Variants in VTI1A observed in about 807,000 individuals in gnomAD.
VTI1A encodes vesicle transport through interaction with t-SNAREs homolog 1A.
Under a neutral mutation model 34.9 loss-of-function variants are expected in VTI1A, and 22 were observed. The ratio of observed to expected loss-of-function variants is 0.63; its 90% CI spans 0.45 to 0.90. VTI1A has a LOEUF of 0.90. VTI1A is among the 40% of genes least tolerant of loss of function. The probability of loss-of-function intolerance (pLI) is 0.00; values close to 1 mark genes in which losing one functional copy is unlikely to be tolerated. For missense variants in VTI1A, 268 were observed against 275.6 expected (o/e 0.97, Z 0.20); for synonymous variants, 87 against 97.3 (o/e 0.89, Z 0.62).
intron 5 of VTI1A, among the ~76,000 whole-genome samples, chr10:112,572,971 T>C (rs1364305433): frequency 2.0e-5 from 3 of 152,086 alleles, no homozygotes; most frequent in Non-Finnish European, 2.9e-5. Flanking sequence ...AAATCAGCTT[T>C]GTCTGGAAAG....
intron 7 of VTI1A, among the ~76,000 whole-genome samples, chr10:112,775,631 G>A (rs908990546): frequency 2.0e-5 from 3 of 152,070 alleles, no homozygotes; most frequent in Non-Finnish European, 4.4e-5. Context: ...CATTTTTATC[G>A]TGTTGACTGT....
At chr10:112,664,847 G>GAAT (rs1404936332) in intron 5 of VTI1A, among the ~76,000 whole-genome samples, 1 of 152,152 alleles carries the variant, frequency 6.6e-6, no homozygotes, top group Non-Finnish European at 1.5e-5. Context: ...TTCCTTCCAG[G>GAAT]AATTCGTTTA....
the VTI1A span, among the ~76,000 whole-genome samples, chr10:112,854,829 G>T: frequency 6.6e-6 from 1 of 152,174 alleles, no homozygotes; most frequent in Non-Finnish European, 1.5e-5. Flanking sequence ...TGCAGAGAAC[G>T]CCTCTAGAAT....
chr10:112,824,398 A>AGGCC, the VTI1A span: 1 of 152,412 alleles, frequency 6.6e-6, no homozygotes, highest in Non-Finnish European at 1.5e-5. Flanking sequence ...CAACATGGTG[A>AGGCC]AACCCTGTCT....
intron 7 of VTI1A, among the ~76,000 whole-genome samples, chr10:112,716,894 G>A (rs189356606): frequency 2.5e-3 from 379 of 152,330 alleles, no homozygotes; most frequent in South Asian, 6.0e-3. Flanking sequence ...AAGACAAGGC[G>A]GGAGCCAGGG....
intron 7 of VTI1A, among the ~76,000 whole-genome samples, chr10:112,764,788 G>A (rs891923689): frequency 3.3e-5 from 5 of 152,114 alleles, no homozygotes; most frequent in African/African-American, 7.2e-5. Context: ...TGTTGTCAGC[G>A]CACCACAATT....
intron 5 of VTI1A, among the ~76,000 whole-genome samples, chr10:112,615,578 G>A (rs1056816765): frequency 6.6e-6 from 1 of 152,148 alleles, no homozygotes; most frequent in Admixed American, 6.5e-5. Flanking sequence ...CCTAATAATG[G>A]AAATAGACAT....
intron 7 of VTI1A, among the ~76,000 whole-genome samples, chr10:112,753,161 G>T (rs1426846430): frequency 1.3e-5 from 2 of 152,088 alleles, no homozygotes; most frequent in African/African-American, 4.8e-5. Context: ...AACATATACA[G>T]ATTTGCGATG....
chr10:112,753,016 G>A (rs1421125115), intron 7 of VTI1A, among the ~76,000 whole-genome samples: 2 of 151,710 alleles, frequency 1.3e-5, no homozygotes, highest in African/African-American at 4.8e-5. Context: ...ATTTGTATGT[G>A]TATCTTACAT....
chr10:112,673,468 G>GCGCA (rs1554938762), intron 7 of VTI1A, among the ~76,000 whole-genome samples: 15 of 151,668 alleles, frequency 9.9e-5, no homozygotes, highest in South Asian at 6.3e-4. Context: ...GCGTGCGCGC[G>GCGCA]CACACACACA....
At chr10:112,518,547 TTCTCTCTCTCTCTCTCTCTC>T (rs57853028) in intron 3 of VTI1A, among the ~76,000 whole-genome samples, 261 of 101,536 alleles carry the variant, frequency 2.6e-3, no homozygotes, top group African/African-American at 0.01. Context: ...TCATATCTCT[TTCTCTCTCTCTCTCTCTCTC>T]TCTCTCTCTC....
chr10:112,625,416 A>C (rs183553806), intron 5 of VTI1A, among the ~76,000 whole-genome samples: 2 of 152,284 alleles, frequency 1.3e-5, no homozygotes, highest in East Asian at 3.9e-4. Context: ...AGGCAGGTGG[A>C]TCACCTGAGG....
At chr10:112,619,994 A>G (rs7906356) in intron 5 of VTI1A, among the ~76,000 whole-genome samples, 81,360 of 151,994 alleles carry the variant, frequency 0.54, 22,126 homozygotes, top group Admixed American at 0.64. Context: ...TTGTTCAGCA[A>G]CAATCTGGTT....
chr10:112,470,923 C>G (rs1052141960), intron 3 of VTI1A, among the ~76,000 whole-genome samples: 1 of 152,210 alleles, frequency 6.6e-6, no homozygotes, highest in South Asian at 2.1e-4. Flanking sequence ...ATCAGACTTT[C>G]AGTCTCCCTT....
intron 5 of VTI1A, among the ~76,000 whole-genome samples, chr10:112,668,004 A>G (rs145550749): frequency 4.6e-4 from 70 of 152,262 alleles, no homozygotes; most frequent in Non-Finnish European, 9.3e-4. Context: ...CATGTTGGTT[A>G]TGTTCTATAG....
At chr10:112,599,436 A>G (rs1278522741) in intron 5 of VTI1A, among the ~76,000 whole-genome samples, 1 of 152,138 alleles carries the variant, frequency 6.6e-6, no homozygotes, top group Non-Finnish European at 1.5e-5. Flanking sequence ...GCTAGGGCGT[A>G]TGCATGTGAG....
At chr10:112,849,788 G>C in the VTI1A span, among the ~76,000 whole-genome samples, 2 of 152,162 alleles carry the variant, frequency 1.3e-5, no homozygotes, top group African/African-American at 4.8e-5. Context: ...ATGCACAATG[G>C]CATCATTACC....
chr10:112,501,570 A>G (rs879764014), intron 3 of VTI1A, among the ~76,000 whole-genome samples: 28 of 152,208 alleles, frequency 1.8e-4, no homozygotes, highest in Non-Finnish European at 3.8e-4. Context: ...TAAGAATGCT[A>G]TATTAATAGT....
intron 5 of VTI1A, among the ~76,000 whole-genome samples, chr10:112,589,525 A>G (rs1844300846): frequency 6.6e-6 from 1 of 152,222 alleles, no homozygotes; most frequent in Non-Finnish European, 1.5e-5. Context: ...AGCCACGTGA[A>G]AACGAACTAA....
Sources: allele counts gnomAD v4.1 joint callset (sites outside exome capture counted in the v4.1 genomes callset), GRCh38; gene constraint gnomAD v4.1.1; transcripts MANE v1.5; gene names NCBI Gene and HGNC (gene_info 2026-07-23, HGNC 2026-07-21).